The following FAM135B variants were observed in gnomAD, a reference collection of about 807,000 sequenced individuals.
The protein encoded by FAM135B is protein FAM135B.
Under a neutral mutation model 127.7 loss-of-function variants are expected in FAM135B, and 43 were observed. That is an observed-to-expected ratio of 0.34 (90% CI 0.26 to 0.43). The LOEUF is 0.43. FAM135B is among the 20% of genes least tolerant of loss of function. The pLI is 1.00. For synonymous variants in FAM135B, 670 were observed against 665.1 expected, an observed-to-expected ratio of 1.01 and a Z score of -0.11; for missense variants, 1,558 against 1,725.6, an observed-to-expected ratio of 0.90 and a Z score of 1.72.
chr8:138,255,305 C>T (rs908390727), intron 5 of FAM135B, among the ~76,000 whole-genome samples: 7 of 152,156 alleles, frequency 4.6e-5, no homozygotes, highest in Non-Finnish European at 1.5e-5. Flanking sequence ...GGAGAGGTTA[C>T]AGAAACCAGA....
In FAM135B at chr8:138,494,849, A is replaced by AAAAAAAAAC. The variant is rs373037651; in HGVS notation, c.-20+1821_-20+1822insGTTTTTTTT. Reference sequence around the variant, plus strand: ...CTGTTTATACTGTAAAAAAAAAAAAAAAACTTAATCCACCCATTGTGAGCA... The same window carrying AAAAAAAAAC: ...CTGTTTATACTGTAAAAAAAAAAAAAAAAAAAAACAAACTTAATCCACCCATTGTGAGCA... On this transcript the variant is annotated intron_variant, in intron 1 of 19. Transcript: ENST00000395297. Among the ~76,000 whole-genome samples, 399 of 150,064 alleles carry AAAAAAAAAC rather than the reference A, an allele frequency of 2.7e-3. 2 individuals are homozygous for AAAAAAAAAC. The highest frequency in any genetic ancestry group is 9.4e-3 in the African/African-American group (377 of 40,132).
Position 138,241,891 on chromosome 8 carries a change from C to A in FAM135B, c.669+1051G>T, listed in dbSNP as rs1820808363. 2.6e-5 allele frequency among the ~76,000 whole-genome samples: 4 copies of A among 152,122 alleles called. No individual in the cohort carries two copies. ...CTCTCCAACATGAATAGGCCTTATC[C>A]AATCCATTGAGGGCCTGAATAGGAC... On this transcript the variant is annotated intron_variant, in intron 7 of 19. Coordinates refer to ENST00000395297, the MANE Select transcript of FAM135B (RefSeq NM_015912.4). The surrounding 1 kb of genome is among the most constrained non-coding windows in gnomAD (Gnocchi z 4.8).
intron 9 of FAM135B, among the ~76,000 whole-genome samples, chr8:138,183,145 A>G (rs985171802): frequency 6.6e-6 from 1 of 152,166 alleles, no homozygotes; most frequent in East Asian, 1.9e-4. Flanking sequence ...AAGAATAACA[A>G]TGGCAACACT....
chr8:138,241,057 G>T lies in FAM135B; in HGVS notation c.669+1885C>A, dbSNP rs1021455843. Among the ~76,000 whole-genome samples, 1 of 152,058 alleles carries T rather than the reference G, an allele frequency of 6.6e-6. No individual in the cohort carries two copies. Among genetic ancestry groups the T allele is most frequent in the Non-Finnish European group, 1.5e-5 (1 of 68,038 alleles). ...ACTGAAACTCTGGGTGCCAGCCCAC[G>T]TGGGGGCTGAAGGAAGGAAGACTGG... is the stretch of plus-strand genomic sequence containing the variant. On this transcript the variant is annotated intron_variant, in intron 7 of 19. Coordinates refer to ENST00000395297, the MANE Select transcript of FAM135B (RefSeq NM_015912.4). The surrounding 1 kb of genome is among the most constrained non-coding windows in gnomAD (Gnocchi z 4.8).
intron 3 of FAM135B, among the ~76,000 whole-genome samples, chr8:138,267,058 T>C (rs1340157612): frequency 6.6e-6 from 1 of 152,208 alleles, no homozygotes; most frequent in Non-Finnish European, 1.5e-5. Context: ...GCACTTGTTA[T>C]GAATGTTTAT....
chr8:138,315,280 C>A (rs1214995203), intron 2 of FAM135B, among the ~76,000 whole-genome samples: 2 of 152,116 alleles, frequency 1.3e-5, no homozygotes, highest in African/African-American at 4.8e-5. Flanking sequence ...TCACCTCATA[C>A]ATTTTAGGAC....
At position 138,183,223 on chromosome 8, in the gene FAM135B, T is replaced by G. The variant is rs1586709591; in HGVS notation, c.874-4533A>C. Among the ~76,000 whole-genome samples, 3 of 152,218 alleles carry G rather than the reference T, an allele frequency of 2.0e-5. No homozygotes were observed. In the East Asian group the frequency reaches 5.8e-4, roughly 29 times the overall value. ...AGAAATTTTAATGTACTTAATTACTTAATCCTTATAGTAATCCTACCCATA... is the reference window on the plus strand; with the variant it reads ...AGAAATTTTAATGTACTTAATTACTGAATCCTTATAGTAATCCTACCCATA... On this transcript the variant is annotated intron_variant, in intron 9 of 19. Transcript: ENST00000395297.
intron 7 of FAM135B, among the ~76,000 whole-genome samples, chr8:138,203,379 T>C (rs1253531221): frequency 6.6e-6 from 1 of 152,224 alleles, no homozygotes; most frequent in African/African-American, 2.4e-5. Context: ...TTCTTCTAGA[T>C]TCCAGACTTC....
intron 1 of FAM135B, among the ~76,000 whole-genome samples, chr8:138,420,095 C>T (rs1482434577): frequency 6.6e-6 from 1 of 151,908 alleles, no homozygotes; most frequent in Non-Finnish European, 1.5e-5. Flanking sequence ...AGACCTCTAA[C>T]TGGACTAATA....
At chr8:138,255,994 T>C (rs1468253384) in intron 5 of FAM135B, among the ~76,000 whole-genome samples, 1 of 152,116 alleles carries the variant, frequency 6.6e-6, no homozygotes, top group African/African-American at 2.4e-5. Context: ...AGCCTGGATC[T>C]GGAGGTGAGG....
chr8:138,150,274 A>C (rs1282295476), intron 13 of FAM135B, among the ~76,000 whole-genome samples: 10 of 152,232 alleles, frequency 6.6e-5, no homozygotes, highest in Non-Finnish European at 1.2e-4. Flanking sequence ...TCTGGTGAAG[A>C]ATTGTATTCC....
At chr8:138,199,953 C>T (rs2131158546) in intron 7 of FAM135B, among the ~76,000 whole-genome samples, 1 of 152,262 alleles carries the variant, frequency 6.6e-6, no homozygotes, top group East Asian at 1.9e-4. Flanking sequence ...CCCTATCACC[C>T]TAGCAGGGAA....
intron 1 of FAM135B, among the ~76,000 whole-genome samples, chr8:138,395,845 C>T (rs1049860863): frequency 2.6e-5 from 4 of 152,130 alleles, no homozygotes; most frequent in Non-Finnish European, 5.9e-5. Flanking sequence ...ATCTGCAAAG[C>T]GAGAATAATA....
chr8:138,272,600 T>C (rs1823467432), intron 3 of FAM135B, among the ~76,000 whole-genome samples: 1 of 152,230 alleles, frequency 6.6e-6, no homozygotes, highest in Non-Finnish European at 1.5e-5. Flanking sequence ...TTATAAACCA[T>C]TGTGACCTAC....
chr8:138,335,811 C>G, intron 2 of FAM135B, among the ~76,000 whole-genome samples: 1 of 152,164 alleles, frequency 6.6e-6, no homozygotes, highest in Non-Finnish European at 1.5e-5. Flanking sequence ...ACACTCTTCT[C>G]AGCACCACAC....
At chr8:138,390,604 G>A (rs911373986) in intron 1 of FAM135B, among the ~76,000 whole-genome samples, 1 of 152,080 alleles carries the variant, frequency 6.6e-6, no homozygotes, top group Admixed American at 6.5e-5. Flanking sequence ...TGCAGAGTAG[G>A]TACAAGATAA....
At chr8:138,325,115 C>T (rs1035907203) in intron 2 of FAM135B, among the ~76,000 whole-genome samples, 5 of 39,026 alleles carry the variant, frequency 1.3e-4, no homozygotes, top group African/African-American at 5.3e-4. Flanking sequence ...AAATCATTAA[C>T]CCCCTTAGAT....
intron 2 of FAM135B, among the ~76,000 whole-genome samples, chr8:138,318,198 T>C (rs916089208): frequency 2.0e-5 from 3 of 152,192 alleles, no homozygotes; most frequent in African/African-American, 7.2e-5. Flanking sequence ...CAAACCCTGA[T>C]TGACACAAAT....
At chr8:138,489,693 C>T (rs1374353010) in intron 1 of FAM135B, among the ~76,000 whole-genome samples, 3 of 152,046 alleles carry the variant, frequency 2.0e-5, no homozygotes, top group African/African-American at 7.3e-5. Context: ...AGCCTTTTAG[C>T]TTCCCACCCC....
Sources: gnomAD v4.1 joint callset for allele counts (sites outside exome capture counted in the v4.1 genomes callset) on GRCh38, gnomAD v4.1.1 for gene constraint, Gnocchi (gnomAD v3.1) non-coding constraint, MANE v1.5 for transcripts, NCBI Gene and HGNC (gene_info 2026-07-23, HGNC 2026-07-21) for gene names.